The following PKP4 variants were observed in gnomAD, a reference collection of about 807,000 sequenced individuals.
The protein encoded by PKP4 is plakophilin 4, also known as plakophilin-4.
PKP4 carries 90 observed loss-of-function variants against 145.1 expected under a neutral mutation model. That is an observed-to-expected ratio of 0.62 (90% CI 0.52 to 0.74). PKP4 has a LOEUF of 0.74. PKP4 is among the 30% of genes least tolerant of loss of function. PKP4 has a pLI of 0.00. For synonymous variants in PKP4, 563 were observed against 577.2 expected, an observed-to-expected ratio of 0.98 and a Z score of 0.35; for missense variants, 1,340 against 1,482.7, an observed-to-expected ratio of 0.90 and a Z score of 1.58.
At position 158,676,888 on chromosome 2, in the gene PKP4, G is replaced by A. The variant is rs754766511; in HGVS notation, c.3256+21G>A. ...CCCTGGTAAGACGCCAGTTGGGTGT[G>A]TGATACAGTCTCTTGAAAAGCCGCA... On this transcript the variant is annotated intron_variant, in intron 20 of 21. Transcript: ENST00000389759. 1.9e-6 allele frequency: 3 copies of A among 1,613,862 alleles called. No individual in the cohort carries two copies. In the South Asian group the frequency reaches 3.3e-5, roughly 18 times the overall value.
chr2:158,535,960 A>G (rs949603007), intron 2 of PKP4, among the ~76,000 whole-genome samples: 2 of 152,182 alleles, frequency 1.3e-5, no homozygotes, highest in Non-Finnish European at 2.9e-5. Context: ...CATTTATAAG[A>G]TGCAGGTAAT....
intron 17 of PKP4, among the ~76,000 whole-genome samples, chr2:158,671,049 G>A (rs1227929660): frequency 6.6e-6 from 1 of 152,116 alleles, no homozygotes; most frequent in Non-Finnish European, 1.5e-5. Flanking sequence ...TCCCCTTGCT[G>A]TGGAAGTTAT....
intron 3 of PKP4, among the ~76,000 whole-genome samples, chr2:158,590,906 G>A (rs2049216937): frequency 6.6e-6 from 1 of 152,088 alleles, no homozygotes; most frequent in Non-Finnish European, 1.5e-5. Context: ...TAATATCACA[G>A]AAAGGGAGAC....
At chr2:158,542,670 A>G (rs2044621640) in intron 2 of PKP4, among the ~76,000 whole-genome samples, 1 of 152,130 alleles carries the variant, frequency 6.6e-6, no homozygotes, top group African/African-American at 2.4e-5. Context: ...CAAAGAATGG[A>G]TCATCTCTGA....
At chr2:158,644,326 G>A (rs531445347) in intron 11 of PKP4, among the ~76,000 whole-genome samples, 2 of 152,188 alleles carry the variant, frequency 1.3e-5, no homozygotes, top group South Asian at 2.1e-4. Context: ...CATGATGGTC[G>A]GAAGTGCGGA....
At chr2:158,583,268 G>A (rs2048487397) in intron 3 of PKP4, among the ~76,000 whole-genome samples, 1 of 152,120 alleles carries the variant, frequency 6.6e-6, no homozygotes, top group South Asian at 2.1e-4. Context: ...GAGTAAAAGG[G>A]TCCAATAGCC....
At position 158,680,639 on chromosome 2, in the gene PKP4, G is replaced by A; in HGVS notation, c.3541G>A (p.Ala1181Thr). The change falls in exon 22 of 22, where the codon GCA (alanine) becomes ACA (threonine). Residue 1181 changes from alanine (A) to threonine (T), a missense_variant. Physicochemically the swap from Ala to Thr is moderately conservative, Grantham distance 58. Coordinates refer to ENST00000389759, the MANE Select transcript of PKP4 (RefSeq NM_003628.6). ...FYSTKRPSYR[A>T]EQYPGSPDSW... Reference sequence around the variant, plus strand: ...TTCCACTAAACGACCTTCTTATAGAGCAGAACAGTACCCAGGGTCCCCAGA... The same window carrying A: ...TTCCACTAAACGACCTTCTTATAGAACAGAACAGTACCCAGGGTCCCCAGA... 6.2e-7 allele frequency: 1 copy of A among 1,613,954 alleles called. No individual in the cohort carries two copies.
intron 12 of PKP4, 157 bp from the exon 13 acceptor site, chr2:158,661,176 G>T: frequency 1.8e-6 from 1 of 555,264 alleles, no homozygotes; most frequent in South Asian, 2.1e-5. Context: ...CCATCATTGT[G>T]AGCTTCAGGA....
At chr2:158,583,549 C>T (rs893308108) in intron 3 of PKP4, among the ~76,000 whole-genome samples, 6 of 152,090 alleles carry the variant, frequency 3.9e-5, no homozygotes, top group East Asian at 1.9e-4. Flanking sequence ...ATTCACTTAC[C>T]GTAAAATTCA....
At chr2:158,661,995 C>T (rs2056636032) in intron 13 of PKP4, among the ~76,000 whole-genome samples, 1 of 152,166 alleles carries the variant, frequency 6.6e-6, no homozygotes, top group Non-Finnish European at 1.5e-5. Flanking sequence ...TTCTGCTCAT[C>T]ATTTGTCAGC....
At chr2:158,640,954 G>A (rs1422539048) in intron 10 of PKP4, among the ~76,000 whole-genome samples, 195 bp downstream of exon 10, 1 of 152,168 alleles carries the variant, frequency 6.6e-6, no homozygotes, top group Non-Finnish European at 1.5e-5. Flanking sequence ...TATATTTCTT[G>A]GAGTGCTTTC....
intron 1 of PKP4, among the ~76,000 whole-genome samples, chr2:158,522,414 A>C (rs1209486111): frequency 6.6e-6 from 1 of 151,780 alleles, no homozygotes; most frequent in African/African-American, 2.4e-5. Context: ...ATTGCCTGTT[A>C]ATCACTGATA....
intron 2 of PKP4, among the ~76,000 whole-genome samples, chr2:158,562,270 G>A (rs1224183807): frequency 1.3e-5 from 2 of 152,334 alleles, no homozygotes; most frequent in Admixed American, 1.3e-4. Context: ...TCCATTGACA[G>A]ATGAATGGAT....
At chr2:158,640,844 C>A in intron 10 of PKP4, 85 bp downstream of exon 10, 2 of 1,413,240 alleles carry the variant, frequency 1.4e-6, no homozygotes, top group Non-Finnish European at 2.0e-6. Flanking sequence ...AAGAAATTAC[C>A]CAGTGTAATT....
intron 10 of PKP4, among the ~76,000 whole-genome samples, chr2:158,641,615 G>A (rs1326596464): frequency 6.6e-6 from 1 of 152,076 alleles, no homozygotes; most frequent in Non-Finnish European, 1.5e-5. Context: ...ATATAAAACT[G>A]AAGTGTTTTT....
At position 158,464,397 on chromosome 2, in the gene PKP4, T is replaced by G. The variant is rs531954569; in HGVS notation, c.-6+7179T>G. Among the ~76,000 whole-genome samples, 181 of 152,330 alleles carry G rather than the reference T, an allele frequency of 1.2e-3. 1 individual carries two copies. The highest frequency in any genetic ancestry group is 2.1e-3 in the Non-Finnish European group (144 of 68,030). On this transcript the variant is annotated intron_variant, in intron 1 of 21. Coordinates refer to ENST00000389759, the MANE Select transcript of PKP4 (RefSeq NM_003628.6). ...AATTTTTTACTTGGATTTGTGCTCT[T>G]CTATAAAAAGTAATTTAAAAATTCA...
chr2:158,674,121 A>G (rs1558997333), intron 19 of PKP4, 121 bp downstream of exon 19: 4 of 751,158 alleles, frequency 5.3e-6, no homozygotes, highest in East Asian at 4.9e-5. Context: ...CCCATGCAGC[A>G]GAGAACCTTC....
intron 3 of PKP4, among the ~76,000 whole-genome samples, chr2:158,584,145 C>T (rs2048590874): frequency 6.6e-6 from 1 of 152,296 alleles, no homozygotes; most frequent in South Asian, 2.1e-4. Flanking sequence ...ACTGAGGCTC[C>T]GGCTCCGAGG....
chr2:158,640,840 T>C lies in PKP4; in HGVS notation c.1695+81T>C, dbSNP rs187760411. The C allele has an allele frequency of 2.6e-5, 38 of 1,446,034 alleles. No homozygotes were observed. The Middle Eastern group carries it at 5.3e-4, about 20-fold the overall frequency. 89.6% of individuals were successfully genotyped at this position (1,446,034 alleles called of 1,614,324 possible). A position where few individuals can be genotyped will look rare whatever the true frequency, so the allele number is the denominator to read the frequency against. On this transcript the variant is annotated intron_variant, in intron 10 of 21. Coordinates refer to ENST00000389759, the MANE Select transcript of PKP4 (RefSeq NM_003628.6). ...GCCACGTGCTTCTGTATTTAAGAAATTACCCAGTGTAATTCAAGAGTCTTT... is the reference window on the plus strand; with the variant it reads ...GCCACGTGCTTCTGTATTTAAGAAACTACCCAGTGTAATTCAAGAGTCTTT...
Sources: gnomAD v4.1 joint callset for allele counts (sites outside exome capture counted in the v4.1 genomes callset) on GRCh38, gnomAD v4.1.1 for gene constraint, MANE v1.5 for transcripts, NCBI Gene and HGNC (gene_info 2026-07-23, HGNC 2026-07-21) for gene names.